The following GIGYF2 variants were observed in gnomAD, a reference collection of about 807,000 sequenced individuals.
The protein encoded by GIGYF2 is GRB10 interacting GYF protein 2, also known as GRB10-interacting GYF protein 2.
In GIGYF2, 25 loss-of-function variants were observed where a neutral mutation model predicts 208.1. That is an observed-to-expected ratio of 0.12 (90% confidence interval 0.09 to 0.17). The LOEUF (loss-of-function observed/expected upper bound fraction) is 0.17, where lower values mean the gene tolerates loss of function less well. Ranked by LOEUF, GIGYF2 falls within the 10% of genes least tolerant of loss-of-function variation. The pLI is 1.00. For synonymous variants in GIGYF2, 534 were observed against 543.8 expected, an observed-to-expected ratio of 0.98 and a Z score of 0.25; for missense variants, 1,302 against 1,579.4, an observed-to-expected ratio of 0.82 and a Z score of 2.98.
chr2:232,797,300 A>G (rs1448908147), intron 14 of GIGYF2, among the ~76,000 whole-genome samples: 1 of 152,066 alleles, frequency 6.6e-6, no homozygotes, highest in Non-Finnish European at 1.5e-5. Context: ...TGGTCACTTC[A>G]TATTAGTGTA....
intron 6 of GIGYF2, among the ~76,000 whole-genome samples, chr2:232,758,973 C>T (rs1698646036): frequency 6.6e-6 from 1 of 152,132 alleles, no homozygotes; most frequent in Admixed American, 6.6e-5. Flanking sequence ...GAAGTTGACA[C>T]AAGTGGAAGG....
At chr2:232,768,843 G>C in intron 8 of GIGYF2, 4 of 1,570,002 alleles carry the variant, frequency 2.5e-6, no homozygotes, top group Non-Finnish European at 3.5e-6. Context: ...TTTTTTTTTA[G>C]AATGAAGACT....
intron 2 of GIGYF2, among the ~76,000 whole-genome samples, chr2:232,703,947 A>G (rs1458910039): frequency 6.6e-6 from 1 of 152,204 alleles, no homozygotes; most frequent in Non-Finnish European, 1.5e-5. Context: ...ACACAAACTC[A>G]TGGTAGCAAA....
intron 2 of GIGYF2, among the ~76,000 whole-genome samples, chr2:232,722,022 C>G (rs758943702): frequency 1.3e-5 from 2 of 152,152 alleles, no homozygotes; most frequent in Non-Finnish European, 2.9e-5. Flanking sequence ...CACACTTCTG[C>G]CAGCACCCTC....
chr2:232,850,191 C>G (rs771218323), intron 27 of GIGYF2, 71 bp from the exon 28 acceptor site: 289 of 1,310,954 alleles, frequency 2.2e-4, no homozygotes, highest in Non-Finnish European at 3.0e-4. Flanking sequence ...TGAGGACAAA[C>G]CAAACATTTT....
intron 2 of GIGYF2, among the ~76,000 whole-genome samples, chr2:232,718,298 G>A (rs1352509554): frequency 1.3e-5 from 2 of 151,944 alleles, no homozygotes; most frequent in African/African-American, 4.8e-5. Context: ...GGGTTTCACC[G>A]TTGTTGGTCA....
chr2:232,708,916 G>A (rs1696257025), intron 2 of GIGYF2, among the ~76,000 whole-genome samples: 1 of 149,218 alleles, frequency 6.7e-6, no homozygotes. Context: ...GAGGTCAAGA[G>A]TCAGGACCAG....
chr2:232,738,288 A>G (rs146717126), intron 3 of GIGYF2, among the ~76,000 whole-genome samples: 384 of 152,298 alleles, frequency 2.5e-3, no homozygotes, highest in African/African-American at 8.4e-3. Flanking sequence ...ATAAAAAAGT[A>G]TATTGCATTA....
intron 2 of GIGYF2, among the ~76,000 whole-genome samples, chr2:232,731,646 G>C (rs770205440): frequency 6.6e-6 from 1 of 152,212 alleles, no homozygotes; most frequent in Non-Finnish European, 1.5e-5. Flanking sequence ...TCATAAGACT[G>C]TTGTGTAAGC....
intron 2 of GIGYF2, among the ~76,000 whole-genome samples, chr2:232,726,495 A>C (rs1404334957): frequency 6.6e-6 from 1 of 152,104 alleles, no homozygotes; most frequent in Non-Finnish European, 1.5e-5. Flanking sequence ...AGTTTCAGCC[A>C]CTGGGGAGGC....
chr2:232,789,134 G>A (rs1699998314), intron 9 of GIGYF2, among the ~76,000 whole-genome samples: 1 of 152,148 alleles, frequency 6.6e-6, no homozygotes, highest in Non-Finnish European at 1.5e-5. Flanking sequence ...CTGTAAATCA[G>A]CAGTCAGCCT....
At chr2:232,840,959 G>A (rs578023940) in intron 23 of GIGYF2, among the ~76,000 whole-genome samples, 1 of 152,206 alleles carries the variant, frequency 6.6e-6, no homozygotes, top group African/African-American at 2.4e-5. Context: ...GGATACACAA[G>A]GAGAAATAGA....
At chr2:232,792,578 C>A (rs1700102008) in intron 12 of GIGYF2, among the ~76,000 whole-genome samples, 1 of 151,814 alleles carries the variant, frequency 6.6e-6, no homozygotes, top group African/African-American at 2.4e-5. Flanking sequence ...ACCCCTGTCT[C>A]TAAAAACAAA....
At chr2:232,789,288 GCA>G (rs976188474) in intron 9 of GIGYF2, among the ~76,000 whole-genome samples, 6 of 152,202 alleles carry the variant, frequency 3.9e-5, no homozygotes, top group Admixed American at 2.0e-4. Context: ...GGACAGGGAG[GCA>G]TCCAGTCTGG....
At chr2:232,842,011 AT>A (rs936089672) in intron 23 of GIGYF2, among the ~76,000 whole-genome samples, 62 of 147,624 alleles carry the variant, frequency 4.2e-4, no homozygotes, top group Non-Finnish European at 4.5e-4. Flanking sequence ...TTAAAAAAAA[AT>A]TTTTTTTTTT....
chr2:232,793,321 A>G (rs1039948808), intron 12 of GIGYF2, among the ~76,000 whole-genome samples: 2 of 152,184 alleles, frequency 1.3e-5, no homozygotes, highest in Non-Finnish European at 2.9e-5. Flanking sequence ...GGTAGATAGT[A>G]CACCTGTAAA....
At chr2:232,800,651 A>G (rs1451779717) in intron 14 of GIGYF2, among the ~76,000 whole-genome samples, 3 of 151,182 alleles carry the variant, frequency 2.0e-5, no homozygotes, top group Admixed American at 2.0e-4. Context: ...GTGGTATGAT[A>G]ATGGCTCACT....
chr2:232,725,608 C>A (rs906449694), intron 2 of GIGYF2, among the ~76,000 whole-genome samples: 2 of 152,298 alleles, frequency 1.3e-5, no homozygotes, highest in East Asian at 3.9e-4. Context: ...TAAATGCTAG[C>A]AAATATTATA....
chr2:232,716,423 G>C (rs1696684885), intron 2 of GIGYF2, among the ~76,000 whole-genome samples: 1 of 132,100 alleles, frequency 7.6e-6, no homozygotes, highest in African/African-American at 2.9e-5. Context: ...CTGTCACTCT[G>C]GCTGGAGTGT....
Sources: allele counts gnomAD v4.1 joint callset (sites outside exome capture counted in the v4.1 genomes callset), GRCh38; gene constraint gnomAD v4.1.1; transcripts MANE v1.5; gene names NCBI Gene and HGNC (gene_info 2026-07-23, HGNC 2026-07-21).